The following BCL2 variants were observed in gnomAD, a reference collection of about 807,000 sequenced individuals.
BCL2 encodes apoptosis regulator Bcl-2.
A neutral mutation model predicts 14.2 loss-of-function variants in BCL2; 1 was observed. That is an observed-to-expected ratio of 0.07 (90% CI 0.02 to 0.33). BCL2 has a LOEUF of 0.33. Among genes scored for constraint, BCL2 ranks in the 10% least tolerant of loss-of-function variants. The probability of loss-of-function intolerance (pLI) is 0.99; values close to 1 mark genes in which losing one functional copy is unlikely to be tolerated. For missense variants in BCL2, 247 were observed against 305.9 expected (o/e 0.81, Z 1.44); for synonymous variants, 151 against 137.2 (o/e 1.10, Z -0.70).
intron 2 of BCL2, among the ~76,000 whole-genome samples, chr18:63,258,239 C>G (rs1911542167): frequency 6.6e-6 from 1 of 152,200 alleles, no homozygotes; most frequent in Non-Finnish European, 1.5e-5. Flanking sequence ...ACTTCCAGCC[C>G]TCAGAACTAT....
intron 2 of BCL2, among the ~76,000 whole-genome samples, chr18:63,150,670 C>T (rs1963617770): frequency 6.6e-6 from 1 of 152,194 alleles, no homozygotes. Flanking sequence ...TTCCCGTGAG[C>T]TGTTTTAGTC....
intron 2 of BCL2, among the ~76,000 whole-genome samples, chr18:63,171,268 A>G (rs1915214745): frequency 2.6e-5 from 4 of 152,248 alleles, no homozygotes; most frequent in Non-Finnish European, 5.9e-5. Flanking sequence ...CAACACCTTA[A>G]TTTCTAAGAT....
At chr18:63,308,277 G>A (rs143696795) in intron 2 of BCL2, among the ~76,000 whole-genome samples, 51 of 152,316 alleles carry the variant, frequency 3.3e-4, no homozygotes, top group African/African-American at 9.9e-4. Context: ...GGAGAAGAAC[G>A]AGGGGATCAT....
chr18:63,308,424 C>A (rs183510253), intron 2 of BCL2, among the ~76,000 whole-genome samples: 1 of 152,206 alleles, frequency 6.6e-6, no homozygotes, highest in African/African-American at 2.4e-5. Flanking sequence ...GATGAATAAT[C>A]TCAGCCTTCA....
chr18:63,253,106 G>T (rs961830244), intron 2 of BCL2, among the ~76,000 whole-genome samples: 1 of 152,178 alleles, frequency 6.6e-6, no homozygotes, highest in Admixed American at 6.5e-5. Context: ...TGCCACTTAC[G>T]TAGTGTTTAT....
intron 2 of BCL2, chr18:63,315,767 A>C (rs903068208): frequency 6.6e-6 from 1 of 152,210 alleles, no homozygotes; most frequent in African/African-American, 2.4e-5. Flanking sequence ...TTTTAGATTA[A>C]TAATGCACAT....
At chr18:63,172,327 G>A (rs554481232) in intron 2 of BCL2, among the ~76,000 whole-genome samples, 2 of 152,290 alleles carry the variant, frequency 1.3e-5, no homozygotes, top group South Asian at 4.1e-4. Flanking sequence ...TTATCTGTCT[G>A]TTGAGCAAGA....
At chr18:63,270,825 A>ATT (rs71162617) in intron 2 of BCL2, among the ~76,000 whole-genome samples, 5,598 of 148,632 alleles carry the variant, frequency 0.038, 223 homozygotes, top group African/African-American at 0.091. Context: ...AACTTGAAGA[A>ATT]TTTTTTTTTT....
chr18:63,310,024 G>A (rs1345313123), intron 2 of BCL2, among the ~76,000 whole-genome samples: 1 of 151,858 alleles, frequency 6.6e-6, no homozygotes, highest in Non-Finnish European at 1.5e-5. Flanking sequence ...CACCACACCT[G>A]GCTAATTTTT....
chr18:63,177,888 AG>A (rs1464937137), intron 2 of BCL2, among the ~76,000 whole-genome samples: 5 of 152,098 alleles, frequency 3.3e-5, no homozygotes, highest in Admixed American at 2.6e-4. Context: ...ATCTCCAGAA[AG>A]TGCAGGGGTG....
chr18:63,233,743 C>T (rs547103345), intron 2 of BCL2, among the ~76,000 whole-genome samples: 1 of 152,152 alleles, frequency 6.6e-6, no homozygotes, highest in African/African-American at 2.4e-5. Flanking sequence ...GGACCCCTGG[C>T]TTATGACACA....
At chr18:63,131,428 G>A (rs1914067499) in intron 2 of BCL2, among the ~76,000 whole-genome samples, 1 of 152,194 alleles carries the variant, frequency 6.6e-6, no homozygotes, top group Non-Finnish European at 1.5e-5. Flanking sequence ...CAGAGCTAAG[G>A]CACAATCATG....
chr18:63,126,857 T>C lies in BCL2; in HGVS notation c.*1768A>G. The stretch of plus-strand genomic sequence containing the variant: ...GAAATATCAACCACAGCATTAAACA[T>C]TGAACAGAGTACATTCCAAAGTTAA... On this transcript the variant is annotated 3_prime_UTR_variant, in exon 3 of 3. Coordinates refer to ENST00000333681, the MANE Select transcript of BCL2 (RefSeq NM_000633.3). 1 of 228,868 alleles carries C rather than the reference T, an allele frequency of 4.4e-6. No individual in the cohort carries two copies. The highest frequency in any genetic ancestry group is 5.7e-5 in the Admixed American group (1 of 17,646). 14.2% of individuals were successfully genotyped at this position (228,868 alleles called of 1,614,324 possible). A position where few individuals can be genotyped will look rare whatever the true frequency, so the allele number is the denominator to read the frequency against.
rs139200340 is a variant in BCL2 at position 63,262,995 on chromosome 18, C to T, written c.585+55087G>A. Among the ~76,000 whole-genome samples, 505 of 152,264 alleles carry T rather than the reference C, an allele frequency of 3.3e-3. 1 individual carries two copies. Among genetic ancestry groups the T allele is most frequent in the African/African-American group, 0.012 (480 of 41,542 alleles). On this transcript the variant is annotated intron_variant, in intron 2 of 2. Transcript: ENST00000333681. ...GTTTCCAAAACACTAAGGAATACAGCAAGATTTCAAGTTGGAGTAAAGAAG... is the reference window on the plus strand; with the variant it reads ...GTTTCCAAAACACTAAGGAATACAGTAAGATTTCAAGTTGGAGTAAAGAAG...
intron 2 of BCL2, among the ~76,000 whole-genome samples, chr18:63,292,463 T>G (rs184412701): frequency 6.6e-6 from 1 of 152,288 alleles, no homozygotes; most frequent in East Asian, 1.9e-4. Flanking sequence ...AGGCTTTCCT[T>G]TCTAATTGTG....
At chr18:63,196,561 T>C (rs1260742081) in intron 2 of BCL2, among the ~76,000 whole-genome samples, 2 of 152,110 alleles carry the variant, frequency 1.3e-5, no homozygotes, top group African/African-American at 4.8e-5. Flanking sequence ...TGGTCTTTTT[T>C]TTGGCTTTGA....
At chr18:63,258,594 G>A (rs1242864514) in intron 2 of BCL2, among the ~76,000 whole-genome samples, 5 of 152,222 alleles carry the variant, frequency 3.3e-5, no homozygotes, top group Non-Finnish European at 7.3e-5. Context: ...CATAGTGGAT[G>A]ACAAACTCTG....
At position 63,144,876 on chromosome 18, in the gene BCL2, C is replaced by T. The variant is rs139333336; in HGVS notation, c.586-16117G>A. 8.1e-4 allele frequency among the ~76,000 whole-genome samples: 124 copies of T among 152,258 alleles called. No individual in the cohort carries two copies. The East Asian group carries it at 0.019, about 23-fold the overall frequency. ...GTCACAGGACCTTCCCCATCACCCC[C>T]GCCCCCGCCGCCCTGGGCACTGTGC... On this transcript the variant is annotated intron_variant, in intron 2 of 2. Coordinates refer to ENST00000333681, the MANE Select transcript of BCL2 (RefSeq NM_000633.3).
intron 2 of BCL2, among the ~76,000 whole-genome samples, chr18:63,205,012 G>C (rs1241677253): frequency 6.6e-6 from 1 of 152,112 alleles, no homozygotes; most frequent in Non-Finnish European, 1.5e-5. Context: ...TGGGTGGATG[G>C]GGACGGAGGT....
Sources: gnomAD v4.1 joint callset for allele counts (sites outside exome capture counted in the v4.1 genomes callset) on GRCh38, gnomAD v4.1.1 for gene constraint, MANE v1.5 for transcripts, NCBI Gene and HGNC (gene_info 2026-07-23, HGNC 2026-07-21) for gene names.